The following CTNNA3 variants were observed in gnomAD, a reference collection of about 807,000 sequenced individuals.
The protein encoded by CTNNA3 is catenin alpha 3.
A neutral mutation model predicts 95.7 loss-of-function variants in CTNNA3; 76 were observed. That is an observed-to-expected ratio of 0.79 (90% CI 0.66 to 0.96). The LOEUF (loss-of-function observed/expected upper bound fraction) is 0.96, where lower values mean the gene tolerates loss of function less well. Ranked by LOEUF, CTNNA3 falls within the 40% of genes least tolerant of loss-of-function variation. The pLI, the probability that CTNNA3 is intolerant of heterozygous loss-of-function variation, is 0.00. For missense variants in CTNNA3, 1,191 were observed against 1,089.8 expected, an observed-to-expected ratio of 1.09 and a Z score of -1.31; for synonymous variants, 431 against 374.4, an observed-to-expected ratio of 1.15 and a Z score of -1.74.
chr10:66,023,630 T>C (rs916924876), intron 15 of CTNNA3, among the ~76,000 whole-genome samples: 2 of 152,216 alleles, frequency 1.3e-5, no homozygotes, highest in Non-Finnish European at 2.9e-5. Context: ...ACAAATGTGT[T>C]CAGTGATGAA....
intron 7 of CTNNA3, 103 bp downstream of exon 7, chr10:67,180,214 T>A: frequency 1.0e-6 from 1 of 967,938 alleles, no homozygotes; most frequent in Middle Eastern, 2.7e-4. Flanking sequence ...AATCACATAC[T>A]CATTTGTAAT....
chr10:66,889,882 C>T (rs10997430), intron 7 of CTNNA3, among the ~76,000 whole-genome samples: 7 of 151,536 alleles, frequency 4.6e-5, no homozygotes, highest in African/African-American at 1.2e-4. Context: ...CCCCTGCCTC[C>T]GGGGTTCCAG....
At chr10:67,591,169 T>G (rs943754571) in intron 3 of CTNNA3, among the ~76,000 whole-genome samples, 7 of 152,078 alleles carry the variant, frequency 4.6e-5, no homozygotes, top group Non-Finnish European at 8.8e-5. Context: ...ATTTTAAGCC[T>G]TTTCTCAGCA....
At chr10:67,457,199 G>T (rs1471535501) in intron 5 of CTNNA3, among the ~76,000 whole-genome samples, 1 of 152,170 alleles carries the variant, frequency 6.6e-6, no homozygotes, top group Non-Finnish European at 1.5e-5. Flanking sequence ...TGGATGAAAA[G>T]GTATGGACAG....
At chr10:66,200,612 G>A (rs1036357898) in intron 13 of CTNNA3, among the ~76,000 whole-genome samples, 1 of 152,126 alleles carries the variant, frequency 6.6e-6, no homozygotes, top group Non-Finnish European at 1.5e-5. Flanking sequence ...ATTGCACTGC[G>A]AATGTATCCG....
intron 13 of CTNNA3, among the ~76,000 whole-genome samples, chr10:66,246,362 T>C (rs1391320222): frequency 6.6e-6 from 1 of 151,874 alleles, no homozygotes; most frequent in Non-Finnish European, 1.5e-5. Flanking sequence ...GAGCTGGAGG[T>C]TGGAGTCTGC....
At chr10:66,487,410 C>T (rs1839775973) in intron 11 of CTNNA3, among the ~76,000 whole-genome samples, 1 of 151,572 alleles carries the variant, frequency 6.6e-6, no homozygotes, top group Non-Finnish European at 1.5e-5. Flanking sequence ...ACCGTATTAG[C>T]CAGGATGGTC....
chr10:66,091,179 G>A (rs1301440271), intron 14 of CTNNA3, among the ~76,000 whole-genome samples: 1 of 151,886 alleles, frequency 6.6e-6, no homozygotes, highest in Non-Finnish European at 1.5e-5. Flanking sequence ...AAAAAGCAGA[G>A]ACATACTTGC....
chr10:66,780,408 GA>G (rs59511603), intron 7 of CTNNA3, among the ~76,000 whole-genome samples: 6 of 151,720 alleles, frequency 4.0e-5, no homozygotes, highest in African/African-American at 2.4e-5. Context: ...CTCTATAATA[GA>G]GTAACCTGGG....
intron 7 of CTNNA3, among the ~76,000 whole-genome samples, chr10:66,812,869 A>T (rs1196476895): frequency 6.6e-6 from 1 of 152,152 alleles, no homozygotes; most frequent in African/African-American, 2.4e-5. Flanking sequence ...CATCTCACTG[A>T]TGTAACAAAA....
intron 12 of CTNNA3, among the ~76,000 whole-genome samples, chr10:66,353,192 T>C (rs2092580461): frequency 6.6e-6 from 1 of 152,098 alleles, no homozygotes; most frequent in East Asian, 1.9e-4. Flanking sequence ...CAGTAAAGCA[T>C]TTTTAATGTT....
chr10:66,056,353 A>G (rs1016397264), intron 15 of CTNNA3, among the ~76,000 whole-genome samples: 9 of 152,274 alleles, frequency 5.9e-5, no homozygotes, highest in African/African-American at 2.2e-4. Flanking sequence ...GCATATGTTG[A>G]ACCACTGTTG....
At chr10:67,478,953 C>T (rs535541523) in intron 5 of CTNNA3, among the ~76,000 whole-genome samples, 83 of 151,276 alleles carry the variant, frequency 5.5e-4, no homozygotes, top group Admixed American at 1.9e-3. Flanking sequence ...AACAAAAAAA[C>T]GGCGGGAGTT....
intron 10 of CTNNA3, among the ~76,000 whole-genome samples, chr10:66,593,918 A>T (rs947456003): frequency 6.6e-6 from 1 of 151,880 alleles, no homozygotes; most frequent in Non-Finnish European, 1.5e-5. Context: ...TGATGGCTGA[A>T]TCCTCCCTCT....
intron 9 of CTNNA3, among the ~76,000 whole-genome samples, chr10:66,731,836 A>C (rs1343919455): frequency 6.6e-6 from 1 of 152,168 alleles, no homozygotes; most frequent in Admixed American, 6.5e-5. Context: ...TCCGGATGAC[A>C]TTCCAAACTA....
intron 13 of CTNNA3, among the ~76,000 whole-genome samples, chr10:66,222,302 T>G (rs1036471893): frequency 2.0e-5 from 3 of 152,200 alleles, no homozygotes; most frequent in Non-Finnish European, 4.4e-5. Context: ...CAGGAGTCAT[T>G]ACTACTCTGT....
intron 7 of CTNNA3, among the ~76,000 whole-genome samples, chr10:67,052,978 C>T (rs1855204896): frequency 6.6e-6 from 1 of 152,186 alleles, no homozygotes; most frequent in Non-Finnish European, 1.5e-5. Flanking sequence ...ATTGTACTTA[C>T]ACTGACTATG....
At chr10:67,066,820 G>A (rs1303316100) in intron 7 of CTNNA3, among the ~76,000 whole-genome samples, 1 of 152,156 alleles carries the variant, frequency 6.6e-6, no homozygotes, top group Admixed American at 6.5e-5. Context: ...CCATCTAGCA[G>A]AAGGAAATGT....
intron 9 of CTNNA3, among the ~76,000 whole-genome samples, chr10:66,765,517 T>G (rs1371127558): frequency 6.6e-6 from 1 of 152,162 alleles, no homozygotes; most frequent in East Asian, 1.9e-4. Flanking sequence ...GTAGATAACA[T>G]TTCCCACTTC....
Sources: allele counts gnomAD v4.1 joint callset (sites outside exome capture counted in the v4.1 genomes callset), GRCh38; gene constraint gnomAD v4.1.1; transcripts MANE v1.5; gene names NCBI Gene and HGNC (gene_info 2026-07-23, HGNC 2026-07-21).